ANKRD30B: variants seen among roughly 807,000 people sequenced by gnomAD.
ANKRD30B encodes the protein ankyrin repeat domain-containing protein 30B.
Under a neutral mutation model 202.2 loss-of-function variants are expected in ANKRD30B, and 144 were observed. The ratio of observed to expected loss-of-function variants is 0.71; its 90% CI spans 0.62 to 0.82. ANKRD30B has a LOEUF of 0.82. ANKRD30B is among the 40% of genes least tolerant of loss of function. ANKRD30B has a pLI of 0.00. For missense variants in ANKRD30B, 1,487 were observed against 1,669.1 expected (o/e 0.89, Z 1.90); for synonymous variants, 508 against 561.3 (o/e 0.91, Z 1.34).
At chr18:14,911,079 A>C in the ANKRD30B span, among the ~76,000 whole-genome samples, 1 of 151,320 alleles carries the variant, frequency 6.6e-6, no homozygotes, top group East Asian at 1.9e-4. Flanking sequence ...TTGTCTGTTT[A>C]CTCCATCGAT....
intron 34 of ANKRD30B, among the ~76,000 whole-genome samples, chr18:14,833,353 A>G (rs904840653): frequency 6.6e-6 from 1 of 151,886 alleles, no homozygotes; most frequent in African/African-American, 2.4e-5. Context: ...GGTTCACACC[A>G]TTCTCCTGCC....
the ANKRD30B span, among the ~76,000 whole-genome samples, chr18:14,923,328 A>C: frequency 1.3e-5 from 2 of 152,090 alleles, no homozygotes; most frequent in African/African-American, 4.8e-5. Context: ...AGCTGACTGA[A>C]GGGCCCTTGG....
rs149960855 is a variant in ANKRD30B at position 14,782,997 on chromosome 18, A to T, written c.1570+383A>T. Reference sequence around the variant, plus strand: ...AAATATTTTTTAGAAAAGATAGACCATGCTTAGAAAGATGGCAAGAATATA... The same window carrying T: ...AAATATTTTTTAGAAAAGATAGACCTTGCTTAGAAAGATGGCAAGAATATA... On this transcript the variant is annotated intron_variant, in intron 12 of 43. Transcript: ENST00000690538. 7.3e-3 allele frequency among the ~76,000 whole-genome samples: 1,113 copies of T among 152,244 alleles called. 16 individuals carry two copies. Among genetic ancestry groups the T allele is most frequent in the African/African-American group, 0.026 (1,078 of 41,568 alleles).
chr18:14,856,094 A>C (rs1770738), downstream of ANKRD30B, among the ~76,000 whole-genome samples: 1,605 of 125,092 alleles, frequency 0.013, 5 homozygotes, highest in African/African-American at 0.03. Context: ...GGCCGGGCAG[A>C]GGCGCTCCTC....
chr18:14,938,897 A>T, the ANKRD30B span, among the ~76,000 whole-genome samples: 2 of 152,188 alleles, frequency 1.3e-5, no homozygotes. Context: ...TGCAGGGTAT[A>T]ATAAAGACAG....
intron 24 of ANKRD30B, among the ~76,000 whole-genome samples, chr18:14,807,589 G>C (rs1352766074): frequency 6.7e-6 from 1 of 148,386 alleles, no homozygotes; most frequent in African/African-American, 2.5e-5. Flanking sequence ...TGGAGTGCAG[G>C]GGCATGATCT....
the ANKRD30B span, among the ~76,000 whole-genome samples, chr18:14,911,409 G>GACTT: frequency 5.3e-5 from 8 of 151,938 alleles, no homozygotes; most frequent in Non-Finnish European, 7.4e-5. Context: ...ATGTATTTTT[G>GACTT]ACTTTGTCAA....
chr18:14,795,404 C>T (rs1026183965), intron 16 of ANKRD30B, among the ~76,000 whole-genome samples: 2 of 152,102 alleles, frequency 1.3e-5, no homozygotes, highest in African/African-American at 4.8e-5. Flanking sequence ...GCTATTTTGG[C>T]CAGGCTGCTT....
At chr18:14,796,932 A>G (rs1424176934) in intron 18 of ANKRD30B, among the ~76,000 whole-genome samples, 1 of 152,230 alleles carries the variant, frequency 6.6e-6, no homozygotes, top group Non-Finnish European at 1.5e-5. Context: ...TACAGGGATA[A>G]GAATTTACAA....
intron 33 of ANKRD30B, among the ~76,000 whole-genome samples, chr18:14,831,039 G>A (rs377228707): frequency 5.9e-5 from 9 of 152,028 alleles, no homozygotes; most frequent in East Asian, 3.9e-4. Context: ...AAAATTAGCC[G>A]GGCGCAGTGG....
At chr18:14,779,265 G>A (rs1967571357) in intron 10 of ANKRD30B, among the ~76,000 whole-genome samples, 1 of 152,112 alleles carries the variant, frequency 6.6e-6, no homozygotes, top group Non-Finnish European at 1.5e-5. Flanking sequence ...GGAAATTTAG[G>A]TTACTTACAG....
intron 33 of ANKRD30B, chr18:14,830,202 C>G (rs557530976): frequency 6.5e-6 from 1 of 154,616 alleles, no homozygotes; most frequent in East Asian, 2.0e-4. Context: ...GACACTTTCA[C>G]TATATATAGT....
chr18:14,821,908 A>G (rs865902371), intron 30 of ANKRD30B, among the ~76,000 whole-genome samples: 37 of 152,236 alleles, frequency 2.4e-4, no homozygotes, highest in African/African-American at 7.2e-4. Context: ...CTTTCATTCT[A>G]TAAGTAGATA....
downstream of ANKRD30B, among the ~76,000 whole-genome samples, chr18:14,856,769 A>G: frequency 8.9e-6 from 1 of 111,744 alleles, no homozygotes; most frequent in African/African-American, 3.3e-5. Context: ...ACAGGGTGGG[A>G]GCTGGGCAGA....
At chr18:14,755,047 T>C (rs1914115889) in intron 4 of ANKRD30B, 42 bp downstream of exon 4, 2 of 1,126,848 alleles carry the variant, frequency 1.8e-6, no homozygotes, top group Non-Finnish European at 2.4e-6. Context: ...ACTTGACTAG[T>C]GTTCTAGAGT....
intron 30 of ANKRD30B, among the ~76,000 whole-genome samples, chr18:14,820,530 A>G (rs1433846118): frequency 3.3e-5 from 5 of 152,182 alleles, no homozygotes; most frequent in African/African-American, 1.2e-4. Flanking sequence ...ATTTTGAGAT[A>G]CATCCCATCA....
chr18:14,772,988 T>G (rs1967111579), intron 9 of ANKRD30B, among the ~76,000 whole-genome samples: 1 of 152,130 alleles, frequency 6.6e-6, no homozygotes, highest in Non-Finnish European at 1.5e-5. Context: ...GAAATGTAAA[T>G]TCTGTTTCTC....
the ANKRD30B span, among the ~76,000 whole-genome samples, chr18:14,875,750 T>C: frequency 6.6e-6 from 1 of 152,204 alleles, no homozygotes; most frequent in Non-Finnish European, 1.5e-5. Flanking sequence ...GGACTGTTTA[T>C]GAAGCAGTAT....
chr18:14,910,465 T>C, the ANKRD30B span, among the ~76,000 whole-genome samples: 1 of 150,358 alleles, frequency 6.7e-6, no homozygotes, highest in Non-Finnish European at 1.5e-5. Context: ...GTGTGATACA[T>C]ATATATACAC....
Sources: gnomAD v4.1 joint callset for allele counts (sites outside exome capture counted in the v4.1 genomes callset) on GRCh38, gnomAD v4.1.1 for gene constraint, MANE v1.5 for transcripts, NCBI Gene and HGNC (gene_info 2026-07-23, HGNC 2026-07-21) for gene names.